The following GPATCH11 variants were observed in gnomAD, a reference collection of about 807,000 sequenced individuals.
GPATCH11 encodes G-patch domain containing 11.
In GPATCH11, 32 loss-of-function variants were observed where a neutral mutation model predicts 44.8. The ratio of observed to expected loss-of-function variants is 0.71; its 90% confidence interval spans 0.54 to 0.96. The LOEUF (loss-of-function observed/expected upper bound fraction) is 0.96, where lower values mean the gene tolerates loss of function less well. Ranked by LOEUF, GPATCH11 falls within the 40% of genes least tolerant of loss-of-function variation. The probability of loss-of-function intolerance (pLI) is 0.00; values close to 1 mark genes in which losing one functional copy is unlikely to be tolerated. For missense variants in GPATCH11, 324 were observed against 303.1 expected, an observed-to-expected ratio of 1.07 and a Z score of -0.51; for synonymous variants, 84 against 94.4, an observed-to-expected ratio of 0.89 and a Z score of 0.64.
rs1280136326 is a variant in GPATCH11 at position 37,098,001 on chromosome 2, T to G, written c.*1738T>G. 1 of 152,144 alleles carries G rather than the reference T, an allele frequency of 6.6e-6. No individual in the cohort carries two copies. Among genetic ancestry groups the G allele is most frequent in the Admixed American group, 6.5e-5 (1 of 15,276 alleles). 9.4% of individuals were successfully genotyped at this position (152,144 alleles called of 1,614,324 possible). A position where few individuals can be genotyped will look rare whatever the true frequency, so the allele number is the denominator to read the frequency against. Reference sequence around the variant, plus strand: ...TATTTATATGTTTGGATGCTATTGTTTAATATTTACTTTTTTGTTTTTAAA... The same window carrying G: ...TATTTATATGTTTGGATGCTATTGTGTAATATTTACTTTTTTGTTTTTAAA... On this transcript the variant is annotated 3_prime_UTR_variant, in exon 9 of 9. Coordinates refer to ENST00000674370, the MANE Select transcript of GPATCH11 (RefSeq NM_174931.4).
At chr2:37,094,289 T>C in intron 7 of GPATCH11, 94 bp downstream of exon 7, 1 of 752,690 alleles carries the variant, frequency 1.3e-6, no homozygotes, top group Non-Finnish European at 2.3e-6. Context: ...AGAGCTGTCC[T>C]GTGCATTGCA....
At chr2:37,086,301 G>C (rs1673043878) in intron 1 of GPATCH11, among the ~76,000 whole-genome samples, 1 of 152,158 alleles carries the variant, frequency 6.6e-6, no homozygotes, top group South Asian at 2.1e-4. Context: ...TATTTAAAAA[G>C]TGTTTAAAAA....
At chr2:37,085,181 C>T (rs939915426) in intron 1 of GPATCH11, among the ~76,000 whole-genome samples, 1 of 152,204 alleles carries the variant, frequency 6.6e-6, no homozygotes, top group Admixed American at 6.5e-5. Context: ...CAACCTGTAA[C>T]CCCATTCAGA....
At chr2:37,092,750 T>C (rs1401378144) in intron 6 of GPATCH11, among the ~76,000 whole-genome samples, 1 of 152,062 alleles carries the variant, frequency 6.6e-6, no homozygotes, top group East Asian at 1.9e-4. Context: ...TGAATATCAG[T>C]TATGACTATT....
At chr2:37,084,986 C>T (rs1243385067) in intron 1 of GPATCH11, among the ~76,000 whole-genome samples, 1 of 152,216 alleles carries the variant, frequency 6.6e-6, no homozygotes, top group East Asian at 1.9e-4. Flanking sequence ...CTACCTACAA[C>T]ATCAGCAAAT....
chr2:37,084,556 G>C lies in GPATCH11; in HGVS notation c.-28G>C. 4 of 1,230,740 alleles carry C rather than the reference G, an allele frequency of 3.3e-6. No homozygotes were observed. Among genetic ancestry groups the C allele is most frequent in the Non-Finnish European group, 4.0e-6 (4 of 988,146 alleles). 76.2% of individuals were successfully genotyped at this position (1,230,740 alleles called of 1,614,324 possible). On this transcript the variant is annotated 5_prime_UTR_variant, in exon 1 of 9. Coordinates refer to ENST00000674370, the MANE Select transcript of GPATCH11 (RefSeq NM_174931.4). ...GCTCTACGGCGCTGAACCGGGGCGA[G>C]CAGAGAGCTGTCAGGTAAGAGAGCT...
At chr2:37,093,633 T>A (rs1344018995) in intron 6 of GPATCH11, among the ~76,000 whole-genome samples, 1 of 152,202 alleles carries the variant, frequency 6.6e-6, no homozygotes, top group African/African-American at 2.4e-5. Flanking sequence ...AATTGGACTT[T>A]GCATCCCCAT....
chr2:37,086,521 G>T (rs918717187), intron 1 of GPATCH11, among the ~76,000 whole-genome samples: 1 of 152,220 alleles, frequency 6.6e-6, no homozygotes, highest in Non-Finnish European at 1.5e-5. Flanking sequence ...CAGGCCAGGT[G>T]TGGTGGCTCA....
At position 37,094,099 on chromosome 2, in the gene GPATCH11, G is replaced by A. The variant is rs772576753; in HGVS notation, c.558G>A (p.Arg186=). 1.9e-6 allele frequency: 3 copies of A among 1,597,910 alleles called. No homozygotes were observed. In the South Asian group the frequency reaches 3.4e-5, roughly 18 times the overall value. ...LDVQKNIQVP[R]EAWYWLRLEE... The stretch of plus-strand genomic sequence containing the variant: ...ATTTTCAGAATATTCAGGTTCCCAG[G>A]GAAGCATGGTACTGGTTGAGGCTTG... Residue 186 remains arginine, a synonymous_variant, in exon 7 of 9, where the codon AGG becomes AGA. Coordinates refer to ENST00000674370, the MANE Select transcript of GPATCH11 (RefSeq NM_174931.4).
chr2:37,089,431 G>A (rs1035522108), intron 2 of GPATCH11, among the ~76,000 whole-genome samples: 2 of 152,162 alleles, frequency 1.3e-5, no homozygotes, highest in Non-Finnish European at 2.9e-5. Flanking sequence ...GCCGGGCATG[G>A]TCGTGGGCGC....
intron 8 of GPATCH11, among the ~76,000 whole-genome samples, chr2:37,095,917 A>G (rs148017654): frequency 0.012 from 1,844 of 152,246 alleles, 36 homozygotes; most frequent in African/African-American, 0.042. Context: ...GTTGAAATCC[A>G]TTCCTTTTTT....
At chr2:37,088,505 GATTTT>G (rs1196995088) in intron 2 of GPATCH11, 65 bp downstream of exon 2, 30 of 821,500 alleles carry the variant, frequency 3.7e-5, no homozygotes, top group Admixed American at 1.5e-4. Context: ...AAATGACATT[GATTTT>G]ATTTTATTTT....
chr2:37,086,663 G>T (rs1264412232), intron 1 of GPATCH11, among the ~76,000 whole-genome samples: 1 of 152,134 alleles, frequency 6.6e-6, no homozygotes. Context: ...GCTGGGTGTG[G>T]TGGTGGATGC....
Position 37,097,021 on chromosome 2 carries a change from G to C in GPATCH11, c.*758G>C, listed in dbSNP as rs931115022. The C allele has an allele frequency of 2.6e-5, 4 of 152,132 alleles. No individual in the cohort carries two copies. The allele number at this position is 152,132 out of a possible 1,614,324, so 9.4% of individuals were successfully genotyped here. A position where few individuals can be genotyped will look rare whatever the true frequency, so the allele number is the denominator to read the frequency against. On this transcript the variant is annotated 3_prime_UTR_variant, in exon 9 of 9. Transcript: ENST00000674370. ...CTACTAAATTCTAATCCATTTAACTGTGATAATTTCTGGTAAAATCATGAG... is the reference window on the plus strand; with the variant it reads ...CTACTAAATTCTAATCCATTTAACTCTGATAATTTCTGGTAAAATCATGAG...
rs140451080 is a variant in GPATCH11 at position 37,093,100 on chromosome 2, C to G, written c.540+845C>G. Among the ~76,000 whole-genome samples the G allele has an allele frequency of 3.0e-3, 457 of 152,306 alleles. 2 individuals are homozygous for G. Among genetic ancestry groups the G allele is most frequent in the African/African-American group, 9.4e-3 (391 of 41,582 alleles). ...GGTTGAGGTTGCATTGAGCTATGTT[C>G]ATGCCACTGCACTCCAGCCTGGGTG... On this transcript the variant is annotated intron_variant, in intron 6 of 8. Transcript: ENST00000674370.
At chr2:37,091,328 GA>G (rs745607462) in intron 4 of GPATCH11, among the ~76,000 whole-genome samples, 4,364 of 131,374 alleles carry the variant, frequency 0.033, 81 homozygotes, top group Non-Finnish European at 0.047. Context: ...CCATCTCAAG[GA>G]AAAAAAAAAA....
chr2:37,092,817 G>A (rs977749894), intron 6 of GPATCH11, among the ~76,000 whole-genome samples: 4 of 152,040 alleles, frequency 2.6e-5, no homozygotes, highest in Non-Finnish European at 4.4e-5. Flanking sequence ...CCTATTTTCA[G>A]TTCCTATTCA....
chr2:37,088,152 C>A (rs556310729), intron 1 of GPATCH11, among the ~76,000 whole-genome samples: 5 of 152,048 alleles, frequency 3.3e-5, no homozygotes, highest in African/African-American at 1.2e-4. Flanking sequence ...ATAATGATGA[C>A]ATCAACATGG....
In GPATCH11 at chr2:37,095,521, A is replaced by G. The variant is rs1336330381; in HGVS notation, c.736+3A>G. On this transcript the variant is annotated splice_donor_region_variant and intron_variant, in intron 8 of 8. Transcript: ENST00000674370. ...TTGGTGTGGAACAGCCTATGAAGGT[A>G]AGAAAATTACTTTATGCTTTTTAAA... 2.5e-6 allele frequency: 4 copies of G among 1,582,766 alleles called. No homozygotes were observed. The East Asian group carries it at 9.2e-5, about 36-fold the overall frequency.
Sources: gnomAD v4.1 joint callset for allele counts (sites outside exome capture counted in the v4.1 genomes callset) on GRCh38, gnomAD v4.1.1 for gene constraint, MANE v1.5 for transcripts, NCBI Gene and HGNC (gene_info 2026-07-23, HGNC 2026-07-21) for gene names.